The following RAB3IL1 variants were observed in gnomAD, a reference collection of about 807,000 sequenced individuals.
RAB3IL1 encodes guanine nucleotide exchange factor for Rab-3A.
RAB3IL1 carries 37 observed loss-of-function variants against 49.2 expected under a neutral mutation model. The ratio of observed to expected loss-of-function variants is 0.75; its 90% CI spans 0.58 to 0.99. The LOEUF (loss-of-function observed/expected upper bound fraction) is 0.99, where lower values mean the gene tolerates loss of function less well. Ranked by LOEUF, RAB3IL1 falls within the 50% of genes least tolerant of loss-of-function variation. The probability of loss-of-function intolerance (pLI) is 0.00; values close to 1 mark genes in which losing one functional copy is unlikely to be tolerated. For synonymous variants in RAB3IL1, 193 were observed against 213.9 expected, an observed-to-expected ratio of 0.90 and a Z score of 0.85; for missense variants, 484 against 513.0, an observed-to-expected ratio of 0.94 and a Z score of 0.55.
chr11:61,915,500 C>T (rs1296948085), intron 1 of RAB3IL1, among the ~76,000 whole-genome samples: 1 of 152,170 alleles, frequency 6.6e-6, no homozygotes, highest in East Asian at 1.9e-4. Flanking sequence ...AGGAAGTCCA[C>T]ACTCTCAAGG....
chr11:61,915,166 AT>A (rs1939622821), intron 1 of RAB3IL1, among the ~76,000 whole-genome samples: 1 of 152,176 alleles, frequency 6.6e-6, no homozygotes, highest in South Asian at 2.1e-4. Context: ...AGCACCCATT[AT>A]GATATGAGCT....
At chr11:61,917,210 C>T in intron 1 of RAB3IL1, 147 bp downstream of exon 1, 1 of 1,232,448 alleles carries the variant, frequency 8.1e-7, no homozygotes, top group South Asian at 2.5e-5. Context: ...CTCCTGGCTG[C>T]AAGTCGGCTC....
intron 1 of RAB3IL1, among the ~76,000 whole-genome samples, chr11:61,916,076 TG>T (rs1257925285): frequency 7.0e-6 from 1 of 143,644 alleles, no homozygotes; most frequent in Non-Finnish European, 1.5e-5. Flanking sequence ...CAGGGCGTGG[TG>T]GTAAAAGCCT....
At position 61,898,197 on chromosome 11, in the gene RAB3IL1, CCCCGTCT is replaced by C. The variant is rs1938707807; in HGVS notation, c.*74_*80del. On this transcript the variant is annotated 3_prime_UTR_variant, in exon 10 of 10. Transcript: ENST00000394836. The surrounding 1 kb of genome is among the most constrained non-coding windows in gnomAD (Gnocchi z 5.1). ...CTCTGGCTCAGGGCTGGCTCCAGGC[CCCCGTCT>C]CCCTGTGTGTCGGCTTGTTCTGGGG... The C allele has an allele frequency of 7.4e-7, 1 of 1,353,894 alleles. No homozygotes were observed. Among genetic ancestry groups the C allele is most frequent in the African/African-American group, 1.4e-5 (1 of 69,808 alleles). 83.9% of individuals were successfully genotyped at this position (1,353,894 alleles called of 1,614,324 possible).
rs1939756266 is a variant in RAB3IL1, at chr11:61,917,525, G to A, written c.-158C>T. 2 of 1,117,744 alleles carry A rather than the reference G, an allele frequency of 1.8e-6. No individual in the cohort carries two copies. Among genetic ancestry groups the A allele is most frequent in the Non-Finnish European group, 2.2e-6 (2 of 916,360 alleles). The allele number at this position is 1,117,744 out of a possible 1,614,324, so 69.2% of individuals were successfully genotyped here. A position where few individuals can be genotyped will look rare whatever the true frequency, so the allele number is the denominator to read the frequency against. ...CAGTAGGTCTCAGACGCCTGGGCTC[G>A]CGGCCCCCAGCCCAGCCCCGACCCT... On this transcript the variant is annotated 5_prime_UTR_variant, in exon 1 of 10. Coordinates refer to ENST00000394836, the MANE Select transcript of RAB3IL1 (RefSeq NM_013401.4).
chr11:61,939,455 T>C, the RAB3IL1 span, among the ~76,000 whole-genome samples: 5 of 151,818 alleles, frequency 3.3e-5, no homozygotes, highest in Non-Finnish European at 5.9e-5. Flanking sequence ...AAACTTCCAA[T>C]TTAAGGAACT....
the RAB3IL1 span, among the ~76,000 whole-genome samples, chr11:61,930,816 A>T: frequency 6.6e-6 from 1 of 152,216 alleles, no homozygotes; most frequent in Non-Finnish European, 1.5e-5. Context: ...GACGAAAAAC[A>T]TTATTAGTGT....
At chr11:61,932,241 ACT>A in the RAB3IL1 span, among the ~76,000 whole-genome samples, 2 of 151,542 alleles carry the variant, frequency 1.3e-5, no homozygotes, top group African/African-American at 2.4e-5. Context: ...ACAGAGCGAG[ACT>A]CTGTCTCAAA....
At chr11:61,940,477 G>A in the RAB3IL1 span, among the ~76,000 whole-genome samples, 1 of 151,274 alleles carries the variant, frequency 6.6e-6, no homozygotes, top group African/African-American at 2.4e-5. Flanking sequence ...ATACATAAAT[G>A]AATGAATAAA....
chr11:61,944,660 G>A, the RAB3IL1 span, among the ~76,000 whole-genome samples: 12 of 152,118 alleles, frequency 7.9e-5, no homozygotes, highest in African/African-American at 1.4e-4. Flanking sequence ...TTATTTGCCT[G>A]ACTGTCCTGT....
intron 8 of RAB3IL1, among the ~76,000 whole-genome samples, chr11:61,901,835 C>G (rs1045566935): frequency 6.6e-6 from 1 of 152,240 alleles, no homozygotes; most frequent in African/African-American, 2.4e-5. Context: ...TGCGACCTTG[C>G]AAGTCCCTGA....
In RAB3IL1 at chr11:61,917,342, C is replaced by A; in HGVS notation, c.11+15G>T. On this transcript the variant is annotated intron_variant, in intron 1 of 9. Transcript: ENST00000394836. ...CCCAGACCCAGCGCGGGACCGCGAG[C>A]GCGCGCGGACCTACCCGCTCCACAT... The A allele has an allele frequency of 7.7e-7, 1 of 1,306,656 alleles. No homozygotes were observed. The allele number at this position is 1,306,656 out of a possible 1,614,324, so 80.9% of individuals were successfully genotyped here.
At chr11:61,909,191 G>A (rs894602547) in intron 1 of RAB3IL1, among the ~76,000 whole-genome samples, 5 of 152,356 alleles carry the variant, frequency 3.3e-5, no homozygotes, top group Admixed American at 2.0e-4. Context: ...AACCAGGGCT[G>A]GGGATGGGGG....
chr11:61,899,570 G>T (rs1025998337), intron 8 of RAB3IL1, 190 bp from the exon 9 acceptor site: 5 of 580,968 alleles, frequency 8.6e-6, no homozygotes, highest in African/African-American at 7.5e-5. Flanking sequence ...AATAGCAGCA[G>T]CAGCAGCAGC....
chr11:61,931,581 A>G, the RAB3IL1 span, among the ~76,000 whole-genome samples: 1 of 152,190 alleles, frequency 6.6e-6, no homozygotes, highest in Non-Finnish European at 1.5e-5. Context: ...CAGTAAGCAG[A>G]AGAAAAGCAA....
chr11:61,941,739 A>G, the RAB3IL1 span, among the ~76,000 whole-genome samples: 2 of 151,698 alleles, frequency 1.3e-5, no homozygotes, highest in Non-Finnish European at 2.9e-5. Flanking sequence ...GCAGCAGAGC[A>G]AGACTCTGTC....
chr11:61,917,078 A>G (rs2524287), intron 1 of RAB3IL1, among the ~76,000 whole-genome samples: 106,231 of 151,924 alleles, frequency 0.7, 37,702 homozygotes, highest in Middle Eastern at 0.79. Context: ...CCCACACCCC[A>G]ACTCTTCTCA....
At chr11:61,900,642 G>C (rs140954001) in intron 8 of RAB3IL1, among the ~76,000 whole-genome samples, 8 of 152,294 alleles carry the variant, frequency 5.3e-5, no homozygotes, top group Non-Finnish European at 1.2e-4. Context: ...GAGTAGCAGG[G>C]AGGGGGCTTT....
chr11:61,939,381 A>G, the RAB3IL1 span, among the ~76,000 whole-genome samples: 1 of 152,196 alleles, frequency 6.6e-6, no homozygotes, highest in Non-Finnish European at 1.5e-5. Flanking sequence ...AGCAGTACTC[A>G]AAGGGAAATT....
Sources: gnomAD v4.1 joint callset for allele counts (sites outside exome capture counted in the v4.1 genomes callset) on GRCh38, gnomAD v4.1.1 for gene constraint, Gnocchi (gnomAD v3.1) non-coding constraint, MANE v1.5 for transcripts, NCBI Gene and HGNC (gene_info 2026-07-23, HGNC 2026-07-21) for gene names.